STX11: variants seen among roughly 807,000 people sequenced by gnomAD.
STX11 encodes syntaxin 11.
In STX11, 21 loss-of-function variants were observed where a neutral mutation model predicts 19.9. The observed-to-expected ratio is 1.06, with a 90% CI of 0.75 to 1.52. STX11 has a LOEUF of 1.52. Ranked by LOEUF, STX11 falls within the 40% of genes most tolerant of loss-of-function variation. STX11 has a pLI of 0.00. For synonymous variants in STX11, 193 were observed against 174.4 expected, an observed-to-expected ratio of 1.11 and a Z score of -0.84; for missense variants, 438 against 405.9, an observed-to-expected ratio of 1.08 and a Z score of -0.68.
intron 1 of STX11, among the ~76,000 whole-genome samples, chr6:144,164,509 A>G (rs1400924634): frequency 6.6e-6 from 1 of 152,238 alleles, no homozygotes; most frequent in East Asian, 1.9e-4. Flanking sequence ...AGTTTTGGAC[A>G]TATAAAAAGA....
rs1402044993 is a variant in STX11, at chr6:144,172,918, T to G, written c.-5-13705T>G. 1.3e-5 allele frequency among the ~76,000 whole-genome samples: 2 copies of G among 152,086 alleles called. No individual in the cohort carries two copies. The highest frequency in any genetic ancestry group is 1.3e-4 in the Admixed American group (2 of 15,270). ...AAAAGAGCCATTAACAGGATACATA[T>G]GACAACCACTGGTCCATAGCAGTTC... On this transcript the variant is annotated intron_variant, in intron 1 of 1. Transcript: ENST00000367568. This position sits in a 1 kb window ranked among gnomAD's most constrained non-coding sequence, Gnocchi z 4.2.
At chr6:144,186,508 C>A (rs1802037754) in intron 1 of STX11, 115 bp from the exon 2 acceptor site, 2 of 1,326,744 alleles carry the variant, frequency 1.5e-6, no homozygotes, top group African/African-American at 1.5e-5. Context: ...ACTTATTGCC[C>A]ACACCGAGGA....
rs545512389 is a variant in STX11 at position 144,175,531 on chromosome 6, T to C, written c.-5-11092T>C. ...CATGTTGACCAGGCTGGTCTTGAAC[T>C]CCTGAACTTAGGTGATCCACACACT... On this transcript the variant is annotated intron_variant, in intron 1 of 1. Coordinates refer to ENST00000367568, the MANE Select transcript of STX11 (RefSeq NM_003764.4). This position sits in a 1 kb window ranked among gnomAD's most constrained non-coding sequence, Gnocchi z 5.1. 2.0e-5 allele frequency among the ~76,000 whole-genome samples: 3 copies of C among 152,238 alleles called. No individual in the cohort carries two copies. In the East Asian group the frequency reaches 5.8e-4, roughly 29 times the overall value.
chr6:144,157,462 T>G (rs1801200278), intron 1 of STX11, among the ~76,000 whole-genome samples: 1 of 152,202 alleles, frequency 6.6e-6, no homozygotes, highest in African/African-American at 2.4e-5. Context: ...CCACATCATT[T>G]ACTACATTTG....
intron 1 of STX11, among the ~76,000 whole-genome samples, chr6:144,181,463 T>G (rs779480421): frequency 6.6e-6 from 1 of 151,602 alleles, no homozygotes; most frequent in Non-Finnish European, 1.5e-5. Context: ...GGCGTGGTGG[T>G]GCATGCCTGT....
At chr6:144,145,663 C>G (rs752581970), upstream of STX11, among the ~76,000 whole-genome samples, 5 of 152,094 alleles carry the variant, frequency 3.3e-5, no homozygotes, top group Non-Finnish European at 5.9e-5. Context: ...AAAACAAATA[C>G]CACATGATGA....
chr6:144,150,380 C>T (rs186883859), upstream of STX11: 1,253 of 591,582 alleles, frequency 2.1e-3, 49 homozygotes, highest in East Asian at 0.11. Flanking sequence ...GTCCCGAGCG[C>T]ATGGACTCTG....
At position 144,188,214 on chromosome 6, in the gene STX11, G is replaced by T; in HGVS notation, c.*723G>T. The T allele has an allele frequency of 4.3e-6, 1 of 233,454 alleles. No homozygotes were observed. The highest frequency in any genetic ancestry group is 9.1e-6 in the Non-Finnish European group (1 of 109,426). 14.5% of individuals were successfully genotyped at this position (233,454 alleles called of 1,614,324 possible). A position where few individuals can be genotyped will look rare whatever the true frequency, so the allele number is the denominator to read the frequency against. ...ATCAGTCATGTTTTGTGTATTTTTC[G>T]CTGATAAAAATTATTTAACATTTAT... On this transcript the variant is annotated 3_prime_UTR_variant, in exon 2 of 2. Coordinates refer to ENST00000367568, the MANE Select transcript of STX11 (RefSeq NM_003764.4).
At chr6:144,163,385 CAGCAT>C (rs1318417157) in intron 1 of STX11, among the ~76,000 whole-genome samples, 1 of 152,158 alleles carries the variant, frequency 6.6e-6, no homozygotes, top group Admixed American at 6.5e-5. Context: ...CTATCTTAGG[CAGCAT>C]AGCGAGACCC....
the STX11 span, among the ~76,000 whole-genome samples, chr6:144,144,729 G>A: frequency 6.6e-6 from 1 of 152,188 alleles, no homozygotes; most frequent in Non-Finnish European, 1.5e-5. Flanking sequence ...GTAAAGTACA[G>A]TGTAAATCTA....
At position 144,169,673 on chromosome 6, in the gene STX11, C is replaced by T. The variant is rs533261880; in HGVS notation, c.-5-16950C>T. ...TTTCCCTCCCTCCCTCCCTTCCTTC[C>T]TTCCTTCCTTCCTTCTTTCTTTCCT... On this transcript the variant is annotated intron_variant, in intron 1 of 1. Coordinates refer to ENST00000367568, the MANE Select transcript of STX11 (RefSeq NM_003764.4). The surrounding 1 kb of genome is among the most constrained non-coding windows in gnomAD (Gnocchi z 5.2). Among the ~76,000 whole-genome samples the T allele has an allele frequency of 1.1e-4, 17 of 148,580 alleles. No individual in the cohort carries two copies. The highest frequency in any genetic ancestry group is 2.2e-4 in the Non-Finnish European group (15 of 67,186).
At chr6:144,146,233 C>T (rs1046790612), upstream of STX11, among the ~76,000 whole-genome samples, 3 of 152,168 alleles carry the variant, frequency 2.0e-5, no homozygotes, top group South Asian at 2.1e-4. This position sits in a 1 kb window ranked among gnomAD's most constrained non-coding sequence, Gnocchi z 4.4. Flanking sequence ...GCTGACAGAT[C>T]GCCATGCAAC....
At chr6:144,140,246 ATATATATATTTATT>A in the STX11 span, among the ~76,000 whole-genome samples, 57 of 45,560 alleles carry the variant, frequency 1.3e-3, no homozygotes, top group Middle Eastern at 7.1e-3. Context: ...ATATATATAT[ATATATATATTTATT>A]TATTTATTTT....
chr6:144,169,482 TTCACTGTGATAGA>T lies in STX11; in HGVS notation c.-5-17138_-5-17126del, dbSNP rs1293582323. ...ATTTACAGTTTCCTTCAATTTTCAG[TTCACTGTGATAGA>T]TCTAGCATGTTTATGGCCAGCATAC... On this transcript the variant is annotated intron_variant, in intron 1 of 1. Transcript: ENST00000367568. The surrounding 1 kb of genome is among the most constrained non-coding windows in gnomAD (Gnocchi z 5.2). Among the ~76,000 whole-genome samples, 10 of 152,220 alleles carry T rather than the reference TTCACTGTGATAGA, an allele frequency of 6.6e-5. No individual in the cohort carries two copies. The highest frequency in any genetic ancestry group is 2.4e-4 in the African/African-American group (10 of 41,460).
chr6:144,164,774 A>G (rs1236248096), intron 1 of STX11, among the ~76,000 whole-genome samples: 9 of 152,118 alleles, frequency 5.9e-5, no homozygotes, highest in African/African-American at 1.7e-4. Flanking sequence ...GCTCACTGCA[A>G]CCTCCATCTC....
rs1801005363 is a variant in STX11, at chr6:144,151,494, ACT to A, written c.-6+794_-6+795del. Reference sequence around the variant, plus strand: ...AAAGCGAGGCTTGCTTTAAAATGAGACTCTAGATGTGAAATGCCTGCCCTGCC... The same window carrying A: ...AAAGCGAGGCTTGCTTTAAAATGAGACTAGATGTGAAATGCCTGCCCTGCC... On this transcript the variant is annotated intron_variant, in intron 1 of 1. Coordinates refer to ENST00000367568, the MANE Select transcript of STX11 (RefSeq NM_003764.4). The surrounding 1 kb of genome is among the most constrained non-coding windows in gnomAD (Gnocchi z 4.6). 1 of 942,652 alleles carries A rather than the reference ACT, an allele frequency of 1.1e-6. No individual in the cohort carries two copies. The highest frequency in any genetic ancestry group is 1.8e-5 in the African/African-American group (1 of 56,284). The allele number at this position is 942,652 out of a possible 1,614,324, so 58.4% of individuals were successfully genotyped here.
In STX11 at chr6:144,155,742, A is replaced by G. The variant is rs1453498362; in HGVS notation, c.-6+5039A>G. Among the ~76,000 whole-genome samples, 1 of 152,176 alleles carries G rather than the reference A, an allele frequency of 6.6e-6. No individual in the cohort carries two copies. The highest frequency in any genetic ancestry group is 2.4e-5 in the African/African-American group (1 of 41,432). On this transcript the variant is annotated intron_variant, in intron 1 of 1. Coordinates refer to ENST00000367568, the MANE Select transcript of STX11 (RefSeq NM_003764.4). This position sits in a 1 kb window ranked among gnomAD's most constrained non-coding sequence, Gnocchi z 4.5. The stretch of plus-strand genomic sequence containing the variant: ...AATAACCATTCTGTGTCTTTTACTA[A>G]TAATGAAACCATCTGTCAGAGTAAG...
At chr6:144,144,095 CT>C in the STX11 span, among the ~76,000 whole-genome samples, 1 of 152,228 alleles carries the variant, frequency 6.6e-6, no homozygotes, top group Non-Finnish European at 1.5e-5. Flanking sequence ...CATTCATTAA[CT>C]CATCTTTCAA....
chr6:144,146,879 T>C (rs1800883136), upstream of STX11, among the ~76,000 whole-genome samples: 2 of 152,170 alleles, frequency 1.3e-5, no homozygotes. The surrounding 1 kb of genome is among the most constrained non-coding windows in gnomAD (Gnocchi z 4.4). Flanking sequence ...TGAGGAAGAC[T>C]GCCTGAAAAA....
Sources: gnomAD v4.1 joint callset for allele counts (sites outside exome capture counted in the v4.1 genomes callset) on GRCh38, gnomAD v4.1.1 for gene constraint, Gnocchi (gnomAD v3.1) non-coding constraint, MANE v1.5 for transcripts, NCBI Gene and HGNC (gene_info 2026-07-23, HGNC 2026-07-21) for gene names.